Variants in AUTS2 observed in about 807,000 individuals in gnomAD.
The protein encoded by AUTS2 is autism susceptibility gene 2 protein.
In AUTS2, 17 loss-of-function variants were observed where a neutral mutation model predicts 112.4. The observed-to-expected ratio is 0.15, with a 90% CI of 0.10 to 0.23. AUTS2 has a LOEUF of 0.23. Ranked by LOEUF, AUTS2 falls within the 10% of genes least tolerant of loss-of-function variation. The probability of loss-of-function intolerance (pLI) is 1.00; values close to 1 mark genes in which losing one functional copy is unlikely to be tolerated. For missense variants in AUTS2, 1,510 were observed against 1,701.6 expected (o/e 0.89, Z 1.98); for synonymous variants, 751 against 702.7 (o/e 1.07, Z -1.09).
intron 1 of AUTS2, among the ~76,000 whole-genome samples, chr7:69,875,701 A>G (rs530592630): frequency 2.6e-5 from 4 of 152,326 alleles, no homozygotes; most frequent in South Asian, 2.1e-4. Context: ...TGGTGTCCCA[A>G]TTGAACCTTA....
chr7:70,620,368 C>T (rs1407102346), intron 5 of AUTS2, among the ~76,000 whole-genome samples: 4 of 152,158 alleles, frequency 2.6e-5, no homozygotes, highest in Admixed American at 6.5e-5. Flanking sequence ...AATTCTCCAG[C>T]GGAGCGTGTA....
intron 4 of AUTS2, among the ~76,000 whole-genome samples, chr7:70,418,553 A>T (rs1795086905): frequency 6.6e-6 from 1 of 152,182 alleles, no homozygotes; most frequent in African/African-American, 2.4e-5. Flanking sequence ...GACATGCTGC[A>T]CCACAGAGAT....
At chr7:69,834,730 G>A (rs979587229) in intron 1 of AUTS2, among the ~76,000 whole-genome samples, 2 of 152,308 alleles carry the variant, frequency 1.3e-5, no homozygotes, top group Non-Finnish European at 2.9e-5. Flanking sequence ...CTGTGATAAT[G>A]CTAGGCACTT....
At chr7:70,006,130 T>C (rs556673395) in intron 2 of AUTS2, among the ~76,000 whole-genome samples, 1 of 152,284 alleles carries the variant, frequency 6.6e-6, no homozygotes, top group Non-Finnish European at 1.5e-5. Context: ...TTGTTCATTT[T>C]TTATTCCTCA....
At chr7:70,477,578 T>A (rs982498426) in intron 5 of AUTS2, among the ~76,000 whole-genome samples, 1 of 152,150 alleles carries the variant, frequency 6.6e-6, no homozygotes, top group African/African-American at 2.4e-5. Context: ...ATCGCTGCCC[T>A]CCCATTACTC....
chr7:70,203,878 G>C (rs552738285), intron 4 of AUTS2, among the ~76,000 whole-genome samples: 1 of 151,208 alleles, frequency 6.6e-6, no homozygotes, highest in South Asian at 2.1e-4. Flanking sequence ...TGTATTTGTA[G>C]AGAGAAGAAG....
chr7:70,566,265 G>A (rs1279583668), intron 5 of AUTS2, among the ~76,000 whole-genome samples: 1 of 152,126 alleles, frequency 6.6e-6, no homozygotes, highest in African/African-American at 2.4e-5. Flanking sequence ...CTGTCTCCTA[G>A]TCAAGCAGAA....
At chr7:70,113,247 T>C (rs1805177665) in intron 2 of AUTS2, among the ~76,000 whole-genome samples, 1 of 152,178 alleles carries the variant, frequency 6.6e-6, no homozygotes, top group Non-Finnish European at 1.5e-5. Flanking sequence ...ATTTTACTTA[T>C]TGTAGTTATT....
At position 70,771,544 on chromosome 7, in the gene AUTS2, C is replaced by G. The variant is rs752005612; in HGVS notation, c.1735-5C>G. 5.0e-6 allele frequency: 8 copies of G among 1,605,630 alleles called. No homozygotes were observed. The highest frequency in any genetic ancestry group is 6.0e-6 in the Non-Finnish European group (7 of 1,174,480). ...TTTTTTCCCCCTCTCCGTCTTTGGC[C>G]ACAGCTCTTCCATTCCTATCCTCCT... is the stretch of plus-strand genomic sequence containing the variant. On this transcript the variant is annotated splice_polypyrimidine_tract_variant and splice_region_variant and intron_variant, in intron 10 of 18. Transcript: ENST00000342771.
chr7:70,780,749 T>C (rs1360170486), intron 14 of AUTS2, among the ~76,000 whole-genome samples: 1 of 152,204 alleles, frequency 6.6e-6, no homozygotes, highest in Non-Finnish European at 1.5e-5. Flanking sequence ...AAATTAATAC[T>C]CCTACTTTGT....
At chr7:69,934,521 C>G (rs896308182) in intron 2 of AUTS2, among the ~76,000 whole-genome samples, 2 of 152,162 alleles carry the variant, frequency 1.3e-5, no homozygotes, top group African/African-American at 4.8e-5. Flanking sequence ...TGACACTGGA[C>G]AGAGGATTGT....
At chr7:70,289,606 T>G (rs895480060) in intron 4 of AUTS2, among the ~76,000 whole-genome samples, 31 of 152,174 alleles carry the variant, frequency 2.0e-4, no homozygotes, top group African/African-American at 7.2e-4. Flanking sequence ...TATAGAGCTG[T>G]TAGGGTTCCA....
At chr7:69,600,194 C>T (rs1004100656) in intron 1 of AUTS2, among the ~76,000 whole-genome samples, 1 of 152,084 alleles carries the variant, frequency 6.6e-6, no homozygotes, top group Non-Finnish European at 1.5e-5. Flanking sequence ...TCGCCTTTCC[C>T]CTGCGCCCCC....
chr7:70,599,161 G>A (rs1319890460), intron 5 of AUTS2, among the ~76,000 whole-genome samples: 1 of 152,160 alleles, frequency 6.6e-6, no homozygotes, highest in Non-Finnish European at 1.5e-5. Context: ...TTCTGCCCAA[G>A]TAACTCCCTG....
At chr7:70,348,846 G>A (rs996143269) in intron 4 of AUTS2, among the ~76,000 whole-genome samples, 1 of 152,036 alleles carries the variant, frequency 6.6e-6, no homozygotes, top group African/African-American at 2.4e-5. Flanking sequence ...TTCCAGCTAA[G>A]TGGCAGTGAA....
At chr7:70,736,039 C>CAT (rs1554473831) in intron 6 of AUTS2, among the ~76,000 whole-genome samples, 1 of 151,156 alleles carries the variant, frequency 6.6e-6, no homozygotes, top group Non-Finnish European at 1.5e-5. Context: ...TTTTATTATA[C>CAT]GTGTGTGTGT....
chr7:70,714,439 CAT>C (rs1399231958), intron 6 of AUTS2, among the ~76,000 whole-genome samples: 16 of 152,284 alleles, frequency 1.1e-4, no homozygotes, highest in Admixed American at 2.6e-4. Context: ...TACAAAATCA[CAT>C]GTTGTTATCA....
intron 1 of AUTS2, among the ~76,000 whole-genome samples, chr7:69,667,337 T>C (rs1194376380): frequency 7.2e-6 from 1 of 139,582 alleles, no homozygotes; most frequent in Non-Finnish European, 1.5e-5. Flanking sequence ...AAATCAAGCT[T>C]TTGTTTTGTT....
intron 1 of AUTS2, among the ~76,000 whole-genome samples, chr7:69,700,885 C>T (rs1161761709): frequency 6.6e-6 from 1 of 152,160 alleles, no homozygotes; most frequent in Non-Finnish European, 1.5e-5. Context: ...GGCTGTCATT[C>T]TGTCCTGTTA....
Sources: allele counts gnomAD v4.1 joint callset (sites outside exome capture counted in the v4.1 genomes callset), GRCh38; gene constraint gnomAD v4.1.1; transcripts MANE v1.5; gene names NCBI Gene and HGNC (gene_info 2026-07-23, HGNC 2026-07-21).